The following RAD51B variants were observed in gnomAD, a reference collection of about 807,000 sequenced individuals.
RAD51B encodes the protein DNA repair protein RAD51 homolog 2.
Under a neutral mutation model 42.2 loss-of-function variants are expected in RAD51B, and 38 were observed. The observed-to-expected ratio is 0.90, with a 90% CI of 0.70 to 1.18. The LOEUF (loss-of-function observed/expected upper bound fraction) is 1.18, where lower values mean the gene tolerates loss of function less well. Among genes scored for constraint, RAD51B ranks in the 50% most tolerant of loss-of-function variants. The pLI, the probability that RAD51B is intolerant of heterozygous loss-of-function variation, is 0.00. For synonymous variants in RAD51B, 154 were observed against 145.2 expected, an observed-to-expected ratio of 1.06 and a Z score of -0.43; for missense variants, 373 against 400.7, an observed-to-expected ratio of 0.93 and a Z score of 0.59.
At chr14:68,202,583 T>G (rs879785606) in intron 7 of RAD51B, among the ~76,000 whole-genome samples, 18,824 of 144,124 alleles carry the variant, frequency 0.13, 1,661 homozygotes, top group Middle Eastern at 0.31. Context: ...CTTTTTTTTT[T>G]TTTTTTTTTT....
chr14:68,301,037 ATGTATATGTGTATATGTGCAG>A (rs1222792782), intron 8 of RAD51B, among the ~76,000 whole-genome samples: 3 of 152,156 alleles, frequency 2.0e-5, no homozygotes, highest in Admixed American at 2.0e-4. Flanking sequence ...TTAAAAGCAA[ATGTATATGTGTATATGTGCAG>A]TGTATGTGTG....
intron 9 of RAD51B, among the ~76,000 whole-genome samples, chr14:68,455,707 G>A (rs567901593): frequency 1.2e-3 from 189 of 152,098 alleles, no homozygotes; most frequent in African/African-American, 4.4e-3. Context: ...GTGACAGAGC[G>A]AGACTCTGTC....
intron 11 of RAD51B, among the ~76,000 whole-genome samples, chr14:68,681,378 A>C (rs1241506445): frequency 6.6e-6 from 1 of 152,168 alleles, no homozygotes; most frequent in Non-Finnish European, 1.5e-5. Flanking sequence ...AAGAGAGAGG[A>C]GGAGGAAGAG....
At chr14:68,362,416 TG>T (rs1379741939) in intron 8 of RAD51B, among the ~76,000 whole-genome samples, 1 of 152,206 alleles carries the variant, frequency 6.6e-6, no homozygotes. Context: ...ATGATGTAAG[TG>T]TTAGCCCCAT....
intron 7 of RAD51B, among the ~76,000 whole-genome samples, chr14:68,104,092 G>C (rs930151806): frequency 6.6e-6 from 1 of 152,110 alleles, no homozygotes; most frequent in Admixed American, 6.6e-5. Context: ...AGAAACTCAA[G>C]GTAACAACGT....
chr14:67,958,878 G>A (rs1445149786), intron 7 of RAD51B, among the ~76,000 whole-genome samples: 1 of 152,192 alleles, frequency 6.6e-6, no homozygotes, highest in African/African-American at 2.4e-5. Flanking sequence ...GAATGTTCAA[G>A]ATACTACTGA....
chr14:68,402,303 C>G (rs2084128614), intron 8 of RAD51B, among the ~76,000 whole-genome samples: 1 of 152,174 alleles, frequency 6.6e-6, no homozygotes, highest in African/African-American at 2.4e-5. Context: ...TTGAATGGAA[C>G]AAGAACTGAT....
At chr14:68,444,589 T>C (rs1047306464) in intron 9 of RAD51B, among the ~76,000 whole-genome samples, 1 of 152,202 alleles carries the variant, frequency 6.6e-6, no homozygotes, top group African/African-American at 2.4e-5. Context: ...GTGGTGGCAT[T>C]GGCCACAGGG....
intron 5 of RAD51B, among the ~76,000 whole-genome samples, chr14:67,869,402 A>G (rs1261048260): frequency 2.6e-5 from 4 of 152,148 alleles, no homozygotes; most frequent in Non-Finnish European, 5.9e-5. Context: ...AATAAAAAGA[A>G]ATGAGCAAAG....
chr14:67,976,354 G>A (rs2074993964), intron 7 of RAD51B, among the ~76,000 whole-genome samples: 1 of 152,066 alleles, frequency 6.6e-6, no homozygotes. Flanking sequence ...CTGGGCTCAA[G>A]CGATCCTCTC....
intron 9 of RAD51B, among the ~76,000 whole-genome samples, chr14:68,437,249 G>A (rs761288335): frequency 1.2e-4 from 18 of 152,224 alleles, no homozygotes; most frequent in South Asian, 2.1e-4. Context: ...AGAAGCTTCC[G>A]CATCTATTGA....
intron 7 of RAD51B, among the ~76,000 whole-genome samples, chr14:68,250,237 C>T (rs749976025): frequency 6.6e-6 from 1 of 152,226 alleles, no homozygotes; most frequent in Admixed American, 6.5e-5. Flanking sequence ...CTCATTCGTC[C>T]TGTCTTTATT....
chr14:68,003,334 T>C lies in RAD51B; in HGVS notation c.756+116130T>C. On this transcript the variant is annotated intron_variant, in intron 7 of 10. Coordinates refer to ENST00000471583, the MANE Select transcript of RAD51B (RefSeq NM_133510.4). ...TTGGCTCTTGGATTGCCTGTTTGTG[T>C]ATAGGAATACTAGCAATTTTTGCAC... 1.3e-5 allele frequency among the ~76,000 whole-genome samples: 2 copies of C among 152,192 alleles called. 1 individual carries two copies. Among genetic ancestry groups the C allele is most frequent in the East Asian group, 3.8e-4 (2 of 5,202 alleles).
intron 7 of RAD51B, among the ~76,000 whole-genome samples, chr14:68,258,061 C>A (rs1294977352): frequency 6.6e-6 from 1 of 152,004 alleles, no homozygotes; most frequent in Non-Finnish European, 1.5e-5. Context: ...TACTAATCAC[C>A]TTCTAATGAT....
intron 7 of RAD51B, among the ~76,000 whole-genome samples, chr14:68,272,643 A>ATATATT (rs1227215153): frequency 1.9e-4 from 2 of 10,418 alleles, no homozygotes; most frequent in Admixed American, 1.2e-3. Context: ...CTTTATATAT[A>ATATATT]TATATATATA....
chr14:68,298,789 C>T (rs1419089962), intron 8 of RAD51B, among the ~76,000 whole-genome samples: 1 of 152,164 alleles, frequency 6.6e-6, no homozygotes, highest in Non-Finnish European at 1.5e-5. Flanking sequence ...TTTTCCATCA[C>T]TGCAGAGAAT....
At chr14:68,012,908 T>G (rs1019214117) in intron 7 of RAD51B, among the ~76,000 whole-genome samples, 2 of 152,214 alleles carry the variant, frequency 1.3e-5, no homozygotes, top group Admixed American at 6.6e-5. Context: ...CTTTTTGATT[T>G]TAGTTGCAAT....
At chr14:68,238,298 T>C (rs2080308479) in intron 7 of RAD51B, among the ~76,000 whole-genome samples, 1 of 152,044 alleles carries the variant, frequency 6.6e-6, no homozygotes, top group Non-Finnish European at 1.5e-5. Context: ...TTAGTTTTGT[T>C]TTGTTGTTTT....
intron 8 of RAD51B, among the ~76,000 whole-genome samples, chr14:68,383,099 G>A (rs879353054): frequency 6.6e-6 from 1 of 152,176 alleles, no homozygotes; most frequent in African/African-American, 2.4e-5. Context: ...AAGGACTCTT[G>A]TAATTTGGCA....
Sources: allele counts gnomAD v4.1 joint callset (sites outside exome capture counted in the v4.1 genomes callset), GRCh38; gene constraint gnomAD v4.1.1; transcripts MANE v1.5; gene names NCBI Gene and HGNC (gene_info 2026-07-23, HGNC 2026-07-21).